Variants in PCDHGB4 observed in about 807,000 individuals in gnomAD.
PCDHGB4 encodes the protein protocadherin gamma-B4.
In PCDHGB4, 38 loss-of-function variants were observed where a neutral mutation model predicts 60.5. The ratio of observed to expected loss-of-function variants is 0.63; its 90% CI spans 0.48 to 0.82. The LOEUF (loss-of-function observed/expected upper bound fraction) is 0.82. PCDHGB4 is among the 40% of genes least tolerant of loss of function. The probability of loss-of-function intolerance (pLI) is 0.00; values close to 1 mark genes in which losing one functional copy is unlikely to be tolerated. For synonymous variants in PCDHGB4, 456 were observed against 509.7 expected (o/e 0.89, Z 1.42); for missense variants, 1,109 against 1,209.6 (o/e 0.92, Z 1.23).
Position 141,481,350 on chromosome 5 carries a change from T to C in PCDHGB4, c.2398-13457T>C, listed in dbSNP as rs901892475. Among the ~76,000 whole-genome samples, 4 of 152,248 alleles carry C rather than the reference T, an allele frequency of 2.6e-5. No homozygotes were observed. The South Asian group carries it at 8.3e-4, about 32-fold the overall frequency. On this transcript the variant is annotated intron_variant, in intron 1 of 3. Coordinates refer to ENST00000519479, the MANE Select transcript of PCDHGB4 (RefSeq NM_003736.4). The stretch of plus-strand genomic sequence containing the variant: ...CCTGGACAACTATTATTTAAACATC[T>C]ACAGCTGTTCAATAGATATTGGGTT...
intron 3 of PCDHGB4, chr5:141,506,988 A>G (rs1364718512): frequency 1.3e-5 from 2 of 152,192 alleles, no homozygotes; most frequent in Non-Finnish European, 2.9e-5. Context: ...CTGATTTCTC[A>G]CACTCGACAG....
intron 1 of PCDHGB4, chr5:141,413,669 A>C: frequency 6.2e-7 from 1 of 1,613,844 alleles, no homozygotes; most frequent in South Asian, 1.1e-5. Flanking sequence ...ATTGATCCGG[A>C]TGTGGGCGTG....
chr5:141,428,508 T>G, intron 1 of PCDHGB4: 1 of 279,550 alleles, frequency 3.6e-6, no homozygotes, highest in South Asian at 4.0e-5. Flanking sequence ...CCTCGGATTC[T>G]AGAAAAAGAA....
intron 1 of PCDHGB4, among the ~76,000 whole-genome samples, chr5:141,469,600 T>C (rs1276702104): frequency 6.6e-6 from 1 of 151,974 alleles, no homozygotes; most frequent in Non-Finnish European, 1.5e-5. Flanking sequence ...TAAAACAAAA[T>C]AAGTAAAATA....
intron 1 of PCDHGB4, chr5:141,394,938 G>A: frequency 6.2e-7 from 1 of 1,613,780 alleles, no homozygotes; most frequent in Non-Finnish European, 8.5e-7. Context: ...CGCCTTTGTC[G>A]CTGTGCTTCT....
At chr5:141,417,538 A>G (rs2154547037) in intron 1 of PCDHGB4, 2 of 297,748 alleles carry the variant, frequency 6.7e-6, no homozygotes, top group East Asian at 6.0e-5. Flanking sequence ...AGTTTAAAAA[A>G]AATTCCTTGA....
chr5:141,504,180 A>G (rs1195970606), intron 2 of PCDHGB4, among the ~76,000 whole-genome samples: 1 of 152,236 alleles, frequency 6.6e-6, no homozygotes, highest in Non-Finnish European at 1.5e-5. Context: ...ATTCAAAAAA[A>G]TCATGAAAAT....
At chr5:141,501,983 C>T (rs957901405) in intron 2 of PCDHGB4, among the ~76,000 whole-genome samples, 1 of 152,068 alleles carries the variant, frequency 6.6e-6, no homozygotes, top group Non-Finnish European at 1.5e-5. Context: ...CATCTGGTCC[C>T]GTTGTCTCCC....
At chr5:141,471,590 T>C (rs2099260583) in intron 1 of PCDHGB4, 1 of 152,120 alleles carries the variant, frequency 6.6e-6, no homozygotes. Flanking sequence ...AAGTAATTGA[T>C]AGTTTCAAAA....
chr5:141,414,556 T>G, intron 1 of PCDHGB4: 2 of 1,613,990 alleles, frequency 1.2e-6, no homozygotes, highest in Non-Finnish European at 1.7e-6. Flanking sequence ...TCAAGTCTCC[T>G]ACTTTACCTA....
Position 141,489,267 on chromosome 5 carries a change from C to T in PCDHGB4, c.2398-5540C>T, listed in dbSNP as rs370726160. 27 of 1,553,302 alleles carry T rather than the reference C, an allele frequency of 1.7e-5. No individual in the cohort carries two copies. Among genetic ancestry groups the T allele is most frequent in the African/African-American group, 8.2e-5 (6 of 73,324 alleles). ...TGGGGCCCAAGACACTCCCACAGCT[C>T]GCTGGGAAATGGCAAGTGCTGTGCA... On this transcript the variant is annotated intron_variant, in intron 1 of 3. Transcript: ENST00000519479. This position sits in a 1 kb window ranked among gnomAD's most constrained non-coding sequence, Gnocchi z 4.5.
At chr5:141,504,666 G>T (rs2099839952) in intron 2 of PCDHGB4, among the ~76,000 whole-genome samples, 1 of 107,242 alleles carries the variant, frequency 9.3e-6, no homozygotes, top group South Asian at 3.6e-4. Context: ...AGGGCGGGGG[G>T]TGGGGGTTCT....
intron 1 of PCDHGB4, chr5:141,395,349 CAG>C: frequency 7.2e-7 from 1 of 1,382,548 alleles, no homozygotes; most frequent in South Asian, 1.5e-5. Flanking sequence ...AGGTGTATCA[CAG>C]AGTTTTGGGT....
chr5:141,414,434 C>A (rs774467993), intron 1 of PCDHGB4: 2 of 1,613,822 alleles, frequency 1.2e-6, no homozygotes, highest in Non-Finnish European at 8.5e-7. Flanking sequence ...GAACAGGTAT[C>A]CTCTTACAAT....
chr5:141,501,228 A>G (rs1054674676), intron 2 of PCDHGB4, among the ~76,000 whole-genome samples: 10 of 149,588 alleles, frequency 6.7e-5, no homozygotes, highest in African/African-American at 2.5e-4. Context: ...TAGATTTCTC[A>G]GTTTTTTGAG....
chr5:141,421,731 C>A (rs73792198), intron 1 of PCDHGB4: 144,261 of 1,613,668 alleles, frequency 0.089, 7,407 homozygotes, highest in African/African-American at 0.18. Flanking sequence ...TGAACTCCCT[C>A]CAGAGCTACC....
intron 1 of PCDHGB4, chr5:141,478,866 C>G: frequency 7.7e-7 from 1 of 1,304,352 alleles, no homozygotes; most frequent in East Asian, 2.5e-5. Context: ...TCTCAGCGAT[C>G]AGAGTTTAGC....
chr5:141,408,617 C>T (rs2095139011), intron 1 of PCDHGB4: 2 of 1,614,004 alleles, frequency 1.2e-6, no homozygotes, highest in African/African-American at 2.7e-5. Flanking sequence ...AAAGGAAATA[C>T]ATTTAGAAAT....
Position 141,485,563 on chromosome 5 carries a change from C to T in PCDHGB4, c.2398-9244C>T, listed in dbSNP as rs746689576. The T allele has an allele frequency of 1.2e-5, 19 of 1,612,904 alleles. No homozygotes were observed. In the South Asian group the frequency reaches 1.6e-4, roughly 14 times the overall value. ...AGATCGTAGATGTGAATGATCACGCCCCCCGTTTTCCGCGGCAGCAGCTGG... is the reference window on the plus strand; with the variant it reads ...AGATCGTAGATGTGAATGATCACGCTCCCCGTTTTCCGCGGCAGCAGCTGG... On this transcript the variant is annotated intron_variant, in intron 1 of 3. Coordinates refer to ENST00000519479, the MANE Select transcript of PCDHGB4 (RefSeq NM_003736.4). This position sits in a 1 kb window ranked among gnomAD's most constrained non-coding sequence, Gnocchi z 5.7.
Sources: allele counts gnomAD v4.1 joint callset (sites outside exome capture counted in the v4.1 genomes callset), GRCh38; gene constraint gnomAD v4.1.1; non-coding constraint Gnocchi (gnomAD v3.1); transcripts MANE v1.5; gene names NCBI Gene and HGNC (gene_info 2026-07-23, HGNC 2026-07-21).